Variants in ADAMTSL1 observed in about 807,000 individuals in gnomAD.
ADAMTSL1 encodes the protein ADAMTS like 1.
In ADAMTSL1, 126 loss-of-function variants were observed where a neutral mutation model predicts 201.8. The observed-to-expected ratio is 0.62, with a 90% confidence interval of 0.54 to 0.72. The LOEUF is 0.72. ADAMTSL1 is among the 30% of genes least tolerant of loss of function. The pLI is 0.00. For synonymous variants in ADAMTSL1, 1,121 were observed against 903.4 expected, an observed-to-expected ratio of 1.24 and a Z score of -4.32; for missense variants, 2,679 against 2,277.8, an observed-to-expected ratio of 1.18 and a Z score of -3.59.
chr9:18,256,490 T>C (rs1831692556), intron 2 of ADAMTSL1, among the ~76,000 whole-genome samples: 1 of 152,172 alleles, frequency 6.6e-6, no homozygotes, highest in Non-Finnish European at 1.5e-5. Flanking sequence ...GCAAAAGTCA[T>C]TGTGAACCTT....
At position 18,358,003 on chromosome 9, in the gene ADAMTSL1, TG is replaced by T. The variant is rs199542210; in HGVS notation, c.208-146825del. On this transcript the variant is annotated intron_variant, in intron 2 of 29. Coordinates refer to the ADAMTSL1 transcript ENST00000680146. ...TTCTCACCCTATTTTCCAAGGAGGC[TG>T]TATTGAATAGTGAATGAGAGCATTA... Among the ~76,000 whole-genome samples, 846 of 152,322 alleles carry T rather than the reference TG, an allele frequency of 5.6e-3. 3 individuals are homozygous for T. The highest frequency in any genetic ancestry group is 0.024 in the Middle Eastern group (7 of 294).
chr9:18,114,261 C>T (rs1302677403), intron 1 of ADAMTSL1, among the ~76,000 whole-genome samples: 1 of 152,166 alleles, frequency 6.6e-6, no homozygotes, highest in Non-Finnish European at 1.5e-5. Context: ...CCATTCAACT[C>T]AAACACTCTC....
chr9:18,777,078 G>A lies in ADAMTSL1; in HGVS notation c.2849G>A (p.Gly950Asp). The change falls in exon 19 of 29, where the codon GGC becomes GAC. Residue 950 changes from glycine (G) to aspartate (D), a missense_variant. By Grantham distance (94) the Gly-to-Asp change is moderately conservative. Transcript: ENST00000380548. ...SDAGVYTCSA[G>D]PAREHFVIKL... ...GCAGGCGTCTACACCTGCTCAGCGG[G>A]CCCGGCCCGGGAGCACTTTGTGATT... 1.2e-6 allele frequency: 2 copies of A among 1,613,310 alleles called. No homozygotes were observed. Among genetic ancestry groups the A allele is most frequent in the Non-Finnish European group, 1.7e-6 (2 of 1,179,810 alleles).
At chr9:18,869,449 A>G (rs1827751539) in intron 23 of ADAMTSL1, among the ~76,000 whole-genome samples, 1 of 152,240 alleles carries the variant, frequency 6.6e-6, no homozygotes, top group African/African-American at 2.4e-5. Flanking sequence ...TCTGTTGTCT[A>G]ATACCTGAAA....
intron 1 of ADAMTSL1, among the ~76,000 whole-genome samples, chr9:18,147,913 C>A (rs990421897): frequency 2.0e-5 from 3 of 152,074 alleles, no homozygotes; most frequent in African/African-American, 7.2e-5. Flanking sequence ...GAGATACCAG[C>A]TTCTCTTTGG....
rs1412727508 is a variant in ADAMTSL1 at position 18,661,955 on chromosome 9, G to C, written c.967G>C (p.Glu323Gln). 6.2e-7 allele frequency: 1 copy of C among 1,613,602 alleles called. No homozygotes were observed. The highest frequency in any genetic ancestry group is 2.2e-5 in the East Asian group (1 of 44,856). ...CGGGYQLTSA[E>Q]CYDLRSNRVV... ...TACAGGTTATCAGCTGACATCGGCT[G>C]AGTGCTACGATCTGAGGAGCAACCG... is the stretch of plus-strand genomic sequence containing the variant. Residue 323 changes from glutamate to glutamine, a missense_variant, in exon 9 of 29, where the codon GAG (glutamate) becomes CAG (glutamine). Coordinates refer to ENST00000380548, the MANE Select transcript of ADAMTSL1 (RefSeq NM_001040272.6).
At chr9:18,187,348 G>C (rs1039300287) in intron 2 of ADAMTSL1, among the ~76,000 whole-genome samples, 28 of 152,220 alleles carry the variant, frequency 1.8e-4, no homozygotes, top group African/African-American at 5.5e-4. Context: ...CTGAAAAACT[G>C]CATCAGATTT....
intron 3 of ADAMTSL1, among the ~76,000 whole-genome samples, chr9:18,563,961 C>T (rs953843073): frequency 6.6e-6 from 1 of 152,178 alleles, no homozygotes; most frequent in Non-Finnish European, 1.5e-5. Flanking sequence ...ATGGGGGTGG[C>T]ATCCGCTAAG....
intron 23 of ADAMTSL1, among the ~76,000 whole-genome samples, chr9:18,849,646 G>C (rs929087751): frequency 6.6e-6 from 1 of 152,184 alleles, no homozygotes; most frequent in Non-Finnish European, 1.5e-5. Context: ...GGGAAAGGAA[G>C]ACGGAGGGAA....
chr9:18,637,837 T>C (rs1225466084), intron 6 of ADAMTSL1, among the ~76,000 whole-genome samples: 1 of 152,132 alleles, frequency 6.6e-6, no homozygotes, highest in Non-Finnish European at 1.5e-5. Flanking sequence ...CCTTGGCTCA[T>C]CTTTAATTAG....
At chr9:18,087,848 T>C (rs1823834953) in intron 1 of ADAMTSL1, among the ~76,000 whole-genome samples, 1 of 152,128 alleles carries the variant, frequency 6.6e-6, no homozygotes, top group East Asian at 1.9e-4. Flanking sequence ...ATACAAACAG[T>C]ATTAGTCACT....
intron 1 of ADAMTSL1, among the ~76,000 whole-genome samples, chr9:17,980,490 C>A (rs989185892): frequency 6.6e-6 from 1 of 151,982 alleles, no homozygotes; most frequent in African/African-American, 2.4e-5. Context: ...TTATTTCTAG[C>A]ACTTCTACTT....
chr9:18,137,961 C>G (rs544694732), intron 1 of ADAMTSL1, among the ~76,000 whole-genome samples: 4 of 152,122 alleles, frequency 2.6e-5, no homozygotes, highest in Admixed American at 6.5e-5. Context: ...GGATCTCAAG[C>G]TAGGGACCAC....
chr9:18,049,479 A>G (rs545792123), intron 1 of ADAMTSL1, among the ~76,000 whole-genome samples: 1 of 152,256 alleles, frequency 6.6e-6, no homozygotes, highest in East Asian at 1.9e-4. Context: ...GTCTAGATAA[A>G]ATGACTGGAG....
intron 2 of ADAMTSL1, among the ~76,000 whole-genome samples, chr9:18,516,484 G>A (rs898967926): frequency 3.9e-5 from 6 of 152,218 alleles, no homozygotes; most frequent in Non-Finnish European, 7.3e-5. Context: ...GGAATCCCTG[G>A]TCCAGATAAA....
chr9:18,872,897 G>T (rs910281073), intron 23 of ADAMTSL1, among the ~76,000 whole-genome samples: 7 of 152,128 alleles, frequency 4.6e-5, no homozygotes, highest in African/African-American at 1.7e-4. Flanking sequence ...TCTATTTTCA[G>T]TTCTTTAAAG....
At chr9:17,966,825 G>C (rs932373513) in intron 1 of ADAMTSL1, among the ~76,000 whole-genome samples, 4 of 151,864 alleles carry the variant, frequency 2.6e-5, no homozygotes, top group Non-Finnish European at 4.4e-5. Context: ...CCTGTTGTTT[G>C]ATTACCTAAT....
chr9:18,096,896 T>C (rs1331625142), intron 1 of ADAMTSL1, among the ~76,000 whole-genome samples: 1 of 152,234 alleles, frequency 6.6e-6, no homozygotes, highest in Non-Finnish European at 1.5e-5. Context: ...ACTCCTTTTT[T>C]TGTCATCTTC....
chr9:18,141,633 C>T (rs1826402246), intron 1 of ADAMTSL1, among the ~76,000 whole-genome samples: 1 of 152,130 alleles, frequency 6.6e-6, no homozygotes, highest in Admixed American at 6.5e-5. Context: ...GGTTGGTGGC[C>T]TGCTCTTTGT....
Sources: gnomAD v4.1 joint callset for allele counts (sites outside exome capture counted in the v4.1 genomes callset) on GRCh38, gnomAD v4.1.1 for gene constraint, MANE v1.5 for transcripts, NCBI Gene and HGNC (gene_info 2026-07-23, HGNC 2026-07-21) for gene names.